The following NFATC3 variants were observed in gnomAD, a reference collection of about 807,000 sequenced individuals.
NFATC3 encodes the protein nuclear factor of activated T-cells, cytoplasmic 3.
A neutral mutation model predicts 98.6 loss-of-function variants in NFATC3; 46 were observed. The observed-to-expected ratio is 0.47, with a 90% CI of 0.37 to 0.60. The LOEUF is 0.60. NFATC3 is among the 20% of genes least tolerant of loss of function. The pLI, the probability that NFATC3 is intolerant of heterozygous loss-of-function variation, is 0.00. For missense variants in NFATC3, 1,256 were observed against 1,295.5 expected, an observed-to-expected ratio of 0.97 and a Z score of 0.47; for synonymous variants, 512 against 472.2, an observed-to-expected ratio of 1.08 and a Z score of -1.09.
chr16:68,184,999 T>TGA (rs1182656771), intron 8 of NFATC3, among the ~76,000 whole-genome samples: 1 of 150,640 alleles, frequency 6.6e-6, no homozygotes, highest in Non-Finnish European at 1.5e-5. Flanking sequence ...TTTTTTTTTT[T>TGA]GAGAGAGAGT....
chr16:68,205,563 T>C (rs1175115097), intron 9 of NFATC3, among the ~76,000 whole-genome samples: 1 of 152,234 alleles, frequency 6.6e-6, no homozygotes, highest in East Asian at 1.9e-4. Flanking sequence ...AATATGTTCA[T>C]GTGGTTTAAA....
At chr16:68,149,585 C>T (rs1313166096) in intron 3 of NFATC3, among the ~76,000 whole-genome samples, 1 of 152,014 alleles carries the variant, frequency 6.6e-6, no homozygotes, top group Non-Finnish European at 1.5e-5. Flanking sequence ...ATATATCTAA[C>T]CTTGAAAAAC....
chr16:68,149,279 A>T (rs2038195768), intron 3 of NFATC3, among the ~76,000 whole-genome samples: 1 of 152,226 alleles, frequency 6.6e-6, no homozygotes, highest in African/African-American at 2.4e-5. Context: ...TGCTTGCAAT[A>T]GGTTTACTAT....
chr16:68,170,886 C>A (rs193257732), intron 5 of NFATC3, among the ~76,000 whole-genome samples: 1 of 151,962 alleles, frequency 6.6e-6, no homozygotes, highest in Non-Finnish European at 1.5e-5. Flanking sequence ...AGTTTTATAT[C>A]GTTTTGCAGT....
intron 3 of NFATC3, among the ~76,000 whole-genome samples, chr16:68,154,225 CTTTG>C (rs2038491520): frequency 6.6e-6 from 1 of 152,100 alleles, no homozygotes; most frequent in Admixed American, 6.6e-5. Context: ...CAGCCTTATA[CTTTG>C]TTTCCTAGTG....
At chr16:68,199,258 C>G (rs547635265) in intron 9 of NFATC3, among the ~76,000 whole-genome samples, 1 of 148,012 alleles carries the variant, frequency 6.8e-6, no homozygotes, top group African/African-American at 2.5e-5. Context: ...GAGTCTCGCT[C>G]TGTCGCCCAG....
At chr16:68,119,718 A>G (rs1361878335) in intron 1 of NFATC3, among the ~76,000 whole-genome samples, 2 of 152,140 alleles carry the variant, frequency 1.3e-5, no homozygotes, top group African/African-American at 4.8e-5. Context: ...TGCCTCCTCT[A>G]TATTTTTTCC....
chr16:68,090,175 T>G (rs936337310), intron 1 of NFATC3, among the ~76,000 whole-genome samples: 1 of 152,172 alleles, frequency 6.6e-6, no homozygotes, highest in Non-Finnish European at 1.5e-5. Context: ...CAGTTTTTAT[T>G]GATCATTTTT....
At position 68,181,523 on chromosome 16, in the gene NFATC3, G is replaced by A. The variant is rs1399561976; in HGVS notation, c.1964G>A (p.Cys655Tyr). ...GAAGGGAAGATAATCAGGGAAAAAT[G>A]TCAAGGGGTAAGAAATTTACCTTAA... ...EVEGKIIREK[C>Y]QGAHIVLEVP... The change falls in exon 7 of 10, where the codon TGT becomes TAT. Residue 655 changes from cysteine (C) to tyrosine (Y), a missense_variant. Around this residue, in one of 3 missense-constraint regions of NFATC3, gnomAD observed 636 missense variants for 617.3 expected, o/e 1.03. Transcript: ENST00000346183. The A allele has an allele frequency of 2.5e-6, 4 of 1,607,446 alleles. No homozygotes were observed. Among genetic ancestry groups the A allele is most frequent in the Admixed American group, 1.7e-5 (1 of 59,926 alleles).
chr16:68,214,457 T>C (rs1170391637), intron 9 of NFATC3: 6 of 1,599,382 alleles, frequency 3.8e-6, no homozygotes, highest in Non-Finnish European at 5.1e-6. Flanking sequence ...AAATGTGTCA[T>C]TGTTTTTGTG....
intron 1 of NFATC3, among the ~76,000 whole-genome samples, chr16:68,098,300 A>ATTTTTTTT (rs200355791): frequency 2.1e-5 from 2 of 94,340 alleles, no homozygotes; most frequent in African/African-American, 9.1e-5. Flanking sequence ...TATTATTATT[A>ATTTTTTTT]TTTTTTTTTT....
chr16:68,111,095 G>T (rs2035921456), intron 1 of NFATC3, among the ~76,000 whole-genome samples: 1 of 152,206 alleles, frequency 6.6e-6, no homozygotes, highest in African/African-American at 2.4e-5. Flanking sequence ...TAGAGTAAGT[G>T]CCATGTGGCA....
chr16:68,116,162 T>C (rs2036267694), intron 1 of NFATC3, among the ~76,000 whole-genome samples: 1 of 152,132 alleles, frequency 6.6e-6, no homozygotes, highest in Non-Finnish European at 1.5e-5. Flanking sequence ...TACCAGAATT[T>C]GAATCATAAC....
chr16:68,167,036 G>GT, intron 5 of NFATC3, 21 bp downstream of exon 5: 2 of 1,601,636 alleles, frequency 1.2e-6, no homozygotes, highest in Non-Finnish European at 1.7e-6. Context: ...TTGTGATGAT[G>GT]TTTTAAGATC....
chr16:68,173,383 A>G (rs2039553021), intron 5 of NFATC3, among the ~76,000 whole-genome samples: 1 of 152,132 alleles, frequency 6.6e-6, no homozygotes, highest in Non-Finnish European at 1.5e-5. Context: ...CCTGACCAAC[A>G]TGGTGAAACC....
intron 9 of NFATC3, chr16:68,221,654 A>T (rs150882871): frequency 1.1e-6 from 1 of 946,494 alleles, no homozygotes; most frequent in East Asian, 8.6e-5. Flanking sequence ...TGAATCCTGT[A>T]GTATAATGTA....
intron 1 of NFATC3, among the ~76,000 whole-genome samples, chr16:68,120,958 C>T (rs781729224): frequency 5.3e-5 from 8 of 151,892 alleles, no homozygotes; most frequent in Non-Finnish European, 8.8e-5. Context: ...TTTCATTCAC[C>T]GAATTATTAA....
rs145527891 is a variant in NFATC3 at position 68,103,894 on chromosome 16, T to G, written c.104-18093T>G. On this transcript the variant is annotated intron_variant, in intron 1 of 9. Coordinates refer to ENST00000346183, the MANE Select transcript of NFATC3 (RefSeq NM_173165.3). Reference sequence around the variant, plus strand: ...TTCTGAACTCTCATTTCCATTCCATTGATTAATACATCTCTTCTTATGCTA... The same window carrying G: ...TTCTGAACTCTCATTTCCATTCCATGGATTAATACATCTCTTCTTATGCTA... Among the ~76,000 whole-genome samples, 820 of 152,342 alleles carry G rather than the reference T, an allele frequency of 5.4e-3. 11 individuals are homozygous for G. In the East Asian group the frequency reaches 0.058, roughly 11 times the overall value.
intron 3 of NFATC3, chr16:68,138,640 A>G (rs2037576073): frequency 1.6e-6 from 2 of 1,288,906 alleles, no homozygotes; most frequent in Non-Finnish European, 1.0e-6. Flanking sequence ...ACTATCAATC[A>G]TCACCACTTA....
Sources: allele counts gnomAD v4.1 joint callset (sites outside exome capture counted in the v4.1 genomes callset), GRCh38; gene constraint gnomAD v4.1.1; regional missense constraint gnomAD v4.1.1; transcripts MANE v1.5; gene names NCBI Gene and HGNC (gene_info 2026-07-23, HGNC 2026-07-21).